Variants in ZFPM2 observed in about 807,000 individuals in gnomAD.
ZFPM2 encodes zinc finger protein ZFPM2.
ZFPM2 carries 20 observed loss-of-function variants against 98.6 expected under a neutral mutation model. The ratio of observed to expected loss-of-function variants is 0.20; its 90% CI spans 0.14 to 0.29. The LOEUF (loss-of-function observed/expected upper bound fraction) is 0.29. Among genes scored for constraint, ZFPM2 ranks in the 10% least tolerant of loss-of-function variants. The pLI is 1.00. For synonymous variants in ZFPM2, 518 were observed against 502.7 expected (o/e 1.03, Z -0.41); for missense variants, 1,310 against 1,388.6 (o/e 0.94, Z 0.90).
chr8:105,347,974 A>G (rs1452629417), intron 1 of ZFPM2, among the ~76,000 whole-genome samples: 1 of 152,324 alleles, frequency 6.6e-6, no homozygotes, highest in Non-Finnish European at 1.5e-5. Context: ...ACCTTAATCC[A>G]GTGTGATTGA....
chr8:105,541,128 T>C (rs1245966048), intron 3 of ZFPM2, among the ~76,000 whole-genome samples: 1 of 152,130 alleles, frequency 6.6e-6, no homozygotes, highest in Non-Finnish European at 1.5e-5. Flanking sequence ...AGGGAGGGCC[T>C]CCTTTCTTAT....
intron 5 of ZFPM2, among the ~76,000 whole-genome samples, chr8:105,650,985 G>A (rs186391508): frequency 6.9e-4 from 105 of 152,130 alleles, no homozygotes; most frequent in South Asian, 1.2e-3. Context: ...CAATTCTAGC[G>A]TCTTCTTTCT....
intron 5 of ZFPM2, among the ~76,000 whole-genome samples, chr8:105,775,087 A>G (rs987281381): frequency 2.6e-5 from 4 of 151,944 alleles, no homozygotes; most frequent in African/African-American, 9.7e-5. Context: ...TAAAAAAAAA[A>G]AAAAAAAAAG....
chr8:105,708,190 C>T (rs1278053431), intron 5 of ZFPM2, among the ~76,000 whole-genome samples: 1 of 152,052 alleles, frequency 6.6e-6, no homozygotes, highest in Non-Finnish European at 1.5e-5. Flanking sequence ...AAGAGTAAAA[C>T]CTGTGTCATC....
chr8:105,419,131 A>T lies in ZFPM2; in HGVS notation c.41-13A>T, dbSNP rs371648762. ...GCATATTTTTGGTACAGTTTCCCTG[A>T]TTCTTTTTCAAGGGCCGCTTGAAGA... On this transcript the variant is annotated splice_polypyrimidine_tract_variant and intron_variant, in intron 1 of 7. Transcript: ENST00000407775. 9 of 1,608,154 alleles carry T rather than the reference A, an allele frequency of 5.6e-6. No individual in the cohort carries two copies. In the African/African-American group the frequency reaches 9.4e-5, roughly 17 times the overall value.
intron 5 of ZFPM2, among the ~76,000 whole-genome samples, chr8:105,763,061 T>C (rs1232212462): frequency 2.9e-5 from 4 of 139,986 alleles, no homozygotes; most frequent in Non-Finnish European, 6.3e-5. Flanking sequence ...TATTTCTTTC[T>C]TTTTTTTTTT....
chr8:105,365,952 C>G (rs1027926699), intron 1 of ZFPM2, among the ~76,000 whole-genome samples: 13 of 151,984 alleles, frequency 8.6e-5, no homozygotes, highest in African/African-American at 3.1e-4. Flanking sequence ...TTTCCAATGC[C>G]CCAGAGAAAA....
At chr8:105,388,938 C>T (rs1811053226) in intron 1 of ZFPM2, among the ~76,000 whole-genome samples, 1 of 151,768 alleles carries the variant, frequency 6.6e-6, no homozygotes, top group African/African-American at 2.4e-5. Context: ...GTGTTGATGG[C>T]CCTATGAAAA....
chr8:105,440,160 C>A (rs1442554822), intron 2 of ZFPM2, among the ~76,000 whole-genome samples: 1 of 151,970 alleles, frequency 6.6e-6, no homozygotes, highest in Non-Finnish European at 1.5e-5. Flanking sequence ...TACTTGCTAC[C>A]CTTTCTAATA....
chr8:105,708,695 C>T (rs888833493), intron 5 of ZFPM2, among the ~76,000 whole-genome samples: 67 of 152,254 alleles, frequency 4.4e-4, no homozygotes, highest in African/African-American at 1.5e-3. Flanking sequence ...CCACCCGCCT[C>T]GGCCTTCCAT....
chr8:105,586,449 G>A (rs984145157), intron 4 of ZFPM2, among the ~76,000 whole-genome samples: 2 of 151,950 alleles, frequency 1.3e-5, no homozygotes, highest in Middle Eastern at 3.4e-3. Context: ...TTGAGATGGA[G>A]TCTCATTCTG....
At chr8:105,370,826 T>C (rs1261214392) in intron 1 of ZFPM2, among the ~76,000 whole-genome samples, 1 of 152,222 alleles carries the variant, frequency 6.6e-6, no homozygotes, top group East Asian at 1.9e-4. Context: ...CAAAGGAATC[T>C]AGCTGGTAAT....
chr8:105,408,683 T>A (rs1437298644), intron 1 of ZFPM2, among the ~76,000 whole-genome samples: 4 of 145,358 alleles, frequency 2.8e-5, no homozygotes, highest in Non-Finnish European at 5.9e-5. Context: ...TATGTGAGGA[T>A]TTTTTTTTTC....
intron 5 of ZFPM2, among the ~76,000 whole-genome samples, chr8:105,777,340 G>C (rs925543703): frequency 3.9e-5 from 6 of 152,158 alleles, no homozygotes; most frequent in African/African-American, 1.4e-4. Flanking sequence ...CTATAATCAA[G>C]TTAATGAAGG....
At chr8:105,653,852 A>ATTTTTT (rs1563506586) in intron 5 of ZFPM2, among the ~76,000 whole-genome samples, 3 of 56,226 alleles carry the variant, frequency 5.3e-5, no homozygotes, top group Admixed American at 2.5e-4. Flanking sequence ...CTTGTGTGCT[A>ATTTTTT]TCTTTTTTTT....
At chr8:105,562,199 A>G (rs568019348) in intron 4 of ZFPM2, among the ~76,000 whole-genome samples, 1 of 151,884 alleles carries the variant, frequency 6.6e-6, no homozygotes, top group African/African-American at 2.4e-5. Context: ...AGTCCCAGCT[A>G]CTCGGGAGGC....
chr8:105,596,244 T>G (rs1815967742), intron 4 of ZFPM2, among the ~76,000 whole-genome samples: 1 of 151,462 alleles, frequency 6.6e-6, no homozygotes. Flanking sequence ...TAAAAATCAA[T>G]GAAGAGGAAG....
intron 4 of ZFPM2, among the ~76,000 whole-genome samples, chr8:105,566,117 C>T (rs1328821903): frequency 2.0e-5 from 3 of 152,086 alleles, no homozygotes; most frequent in Non-Finnish European, 4.4e-5. Flanking sequence ...TTTTGGAGGG[C>T]AGTCTGTTTT....
intron 3 of ZFPM2, among the ~76,000 whole-genome samples, chr8:105,497,338 G>T (rs965574500): frequency 6.6e-6 from 1 of 152,046 alleles, no homozygotes; most frequent in African/African-American, 2.4e-5. Context: ...TTGTAATCCA[G>T]TGTGACAGAA....
Sources: gnomAD v4.1 joint callset for allele counts (sites outside exome capture counted in the v4.1 genomes callset) on GRCh38, gnomAD v4.1.1 for gene constraint, MANE v1.5 for transcripts, NCBI Gene and HGNC (gene_info 2026-07-23, HGNC 2026-07-21) for gene names.